Variants in EXOSC4 observed in about 807,000 individuals in gnomAD.
EXOSC4 encodes exosome component 4.
Under a neutral mutation model 20.0 loss-of-function variants are expected in EXOSC4, and 14 were observed. The ratio of observed to expected loss-of-function variants is 0.70; its 90% confidence interval spans 0.46 to 1.09. The LOEUF is 1.09. EXOSC4 is among the 50% of genes least tolerant of loss of function. EXOSC4 has a pLI of 0.00. For missense variants in EXOSC4, 337 were observed against 334.0 expected (o/e 1.01, Z -0.07); for synonymous variants, 148 against 146.4 (o/e 1.01, Z -0.08).
chr8:144,071,948 G>C, the EXOSC4 span, among the ~76,000 whole-genome samples: 109 of 152,220 alleles, frequency 7.2e-4, no homozygotes, highest in African/African-American at 2.2e-3. Flanking sequence ...CCACTGCACT[G>C]CAGCCTGGGT....
chr8:144,077,151 A>G (rs1835842976), upstream of EXOSC4, among the ~76,000 whole-genome samples: 1 of 151,544 alleles, frequency 6.6e-6, no homozygotes, highest in Admixed American at 6.6e-5. Context: ...AGGCTGAGAT[A>G]GAAGAATCAC....
chr8:144,070,527 A>C, the EXOSC4 span, among the ~76,000 whole-genome samples: 3 of 150,436 alleles, frequency 2.0e-5, no homozygotes, highest in Non-Finnish European at 1.5e-5. Flanking sequence ...CCATCTCAAA[A>C]AAAAAAAAAA....
At chr8:144,070,949 G>A in the EXOSC4 span, among the ~76,000 whole-genome samples, 3 of 151,960 alleles carry the variant, frequency 2.0e-5, no homozygotes, top group Non-Finnish European at 4.4e-5. Context: ...GCTGACCCAG[G>A]CGTGATTTCT....
the EXOSC4 span, among the ~76,000 whole-genome samples, chr8:144,073,591 A>G: frequency 7.3e-4 from 110 of 151,118 alleles, no homozygotes; most frequent in African/African-American, 2.3e-3. Flanking sequence ...GGTGGCTCAC[A>G]CCTGTAATCC....
rs139817759 is a variant in EXOSC4, at chr8:144,080,272, G to A, written c.409G>A (p.Ala137Thr). ...VLQADGGTYA[A>T]CVNAATLAVL... ...ACAGGCAGATGGTGGGACCTATGCAGCTTGTGTGAATGCAGCCACGCTGGC... is the reference window on the plus strand; with the variant it reads ...ACAGGCAGATGGTGGGACCTATGCAACTTGTGTGAATGCAGCCACGCTGGC... The change falls in exon 3 of 3, where the codon GCT becomes ACT. Residue 137 changes from alanine to threonine, a missense_variant. Ala to Thr is a moderately conservative substitution (Grantham distance 58, BLOSUM62 0). Coordinates refer to ENST00000316052, the MANE Select transcript of EXOSC4 (RefSeq NM_019037.3). This position sits in a 1 kb window ranked among gnomAD's most constrained non-coding sequence, Gnocchi z 4.9. 1.6e-4 allele frequency: 265 copies of A among 1,613,870 alleles called. No homozygotes were observed. In the East Asian group the frequency reaches 3.1e-3, roughly 19 times the overall value.
chr8:144,067,340 ATCCT>A, the EXOSC4 span, among the ~76,000 whole-genome samples: 3 of 152,166 alleles, frequency 2.0e-5, no homozygotes, highest in African/African-American at 7.2e-5. Context: ...TAATCACGTG[ATCCT>A]TCCAAAGGAT....
At chr8:144,070,733 C>T in the EXOSC4 span, among the ~76,000 whole-genome samples, 2 of 151,744 alleles carry the variant, frequency 1.3e-5, no homozygotes, top group Non-Finnish European at 2.9e-5. Flanking sequence ...GAGGCTGAGG[C>T]AGGAGAATCC....
upstream of EXOSC4, chr8:144,078,481 G>C (rs1245005804): frequency 2.7e-6 from 1 of 369,268 alleles, no homozygotes; most frequent in African/African-American, 2.1e-5. The surrounding 1 kb of genome is among the most constrained non-coding windows in gnomAD (Gnocchi z 4.7). Context: ...CGGACCGCCG[G>C]AAACCGTAGA....
intron 1 of EXOSC4, 66 bp from the exon 2 acceptor site, chr8:144,079,877 C>T: frequency 6.7e-7 from 1 of 1,489,434 alleles, no homozygotes; most frequent in Non-Finnish European, 9.4e-7. Flanking sequence ...AGAGGCAGAC[C>T]CACAGAGGAC....
chr8:144,075,400 A>G (rs782222674), upstream of EXOSC4, among the ~76,000 whole-genome samples: 1 of 151,760 alleles, frequency 6.6e-6, no homozygotes, highest in Non-Finnish European at 1.5e-5. Flanking sequence ...CTAATTTTTG[A>G]TATTTTTAGT....
intron 1 of EXOSC4, 90 bp from the exon 2 acceptor site, chr8:144,079,853 T>G: frequency 7.9e-7 from 1 of 1,271,766 alleles, no homozygotes. Flanking sequence ...TGCTGAGGCA[T>G]TGAAAGTGGA....
At chr8:144,071,660 A>G in the EXOSC4 span, among the ~76,000 whole-genome samples, 3 of 151,232 alleles carry the variant, frequency 2.0e-5, no homozygotes, top group African/African-American at 7.3e-5. Context: ...GTGACTCTTT[A>G]TATTTTGTAT....
At chr8:144,067,530 T>TA in the EXOSC4 span, among the ~76,000 whole-genome samples, 1 of 151,914 alleles carries the variant, frequency 6.6e-6, no homozygotes, top group Non-Finnish European at 1.5e-5. Context: ...GTTAACAAGA[T>TA]AAAAAAATGA....
In EXOSC4 at chr8:144,078,886, A is replaced by G. The variant is rs782479315; in HGVS notation, c.158A>G (p.Tyr53Cys). 6.7e-7 allele frequency: 1 copy of G among 1,491,482 alleles called. No individual in the cohort carries two copies. The highest frequency in any genetic ancestry group is 1.3e-5 in the South Asian group (1 of 77,160). The allele number at this position is 1,491,482 out of a possible 1,614,324, so 92.4% of individuals were successfully genotyped here. A position where few individuals can be genotyped will look rare whatever the true frequency, so the allele number is the denominator to read the frequency against. Residue 53 changes from tyrosine (Y) to cysteine (C), a missense_variant, in exon 1 of 3, where the codon TAC (tyrosine) becomes TGC (cysteine). Transcript: ENST00000316052. This position sits in a 1 kb window ranked among gnomAD's most constrained non-coding sequence, Gnocchi z 4.7. ...QGNTKALAVV[Y>C]GPHEIRGSRA... ...AACACCAAGGCACTGGCTGTGGTCT[A>G]CGGCCCGCACGAGGCGAGTGGGCGC...
chr8:144,079,812 G>A (rs782297196), intron 1 of EXOSC4, 131 bp from the exon 2 acceptor site: 1 of 886,726 alleles, frequency 1.1e-6, no homozygotes, highest in Non-Finnish European at 1.9e-6. Flanking sequence ...AAAACAGGGG[G>A]CTTTGTTTTG....
intron 1 of EXOSC4, chr8:144,079,475 G>T: frequency 3.0e-6 from 1 of 335,646 alleles, no homozygotes; most frequent in South Asian, 2.4e-5. Flanking sequence ...GGAACCAGAA[G>T]GGCGAAGACC....
At chr8:144,070,802 T>C in the EXOSC4 span, among the ~76,000 whole-genome samples, 1 of 151,976 alleles carries the variant, frequency 6.6e-6, no homozygotes. Flanking sequence ...CACTCCAGCC[T>C]GGGCAACAAC....
At chr8:144,076,742 A>G (rs75573847), upstream of EXOSC4, among the ~76,000 whole-genome samples, 983 of 152,282 alleles carry the variant, frequency 6.5e-3, 9 homozygotes, top group African/African-American at 0.023. Flanking sequence ...TGGGCAGTCC[A>G]CAGAGCTCCC....
the EXOSC4 span, among the ~76,000 whole-genome samples, chr8:144,067,631 A>C: frequency 1.3e-5 from 2 of 152,256 alleles, no homozygotes; most frequent in Non-Finnish European, 2.9e-5. Context: ...TCAGAAAAAC[A>C]CTGTCAAGCA....
Sources: allele counts gnomAD v4.1 joint callset (sites outside exome capture counted in the v4.1 genomes callset), GRCh38; gene constraint gnomAD v4.1.1; non-coding constraint Gnocchi (gnomAD v3.1); transcripts MANE v1.5; gene names NCBI Gene and HGNC (gene_info 2026-07-23, HGNC 2026-07-21).